The following JADE3 variants were observed in gnomAD, a reference collection of about 807,000 sequenced individuals.
JADE3 encodes the protein jade family PHD finger 3, also known as protein Jade-3.
A neutral mutation model predicts 50.1 loss-of-function variants in JADE3; 2 were observed. That is an observed-to-expected ratio of 0.04 (90% confidence interval 0.02 to 0.13). JADE3 has a LOEUF of 0.13. Among genes scored for constraint, JADE3 ranks in the 10% least tolerant of loss-of-function variants. The probability of loss-of-function intolerance (pLI) is 1.00; values close to 1 mark genes in which losing one functional copy is unlikely to be tolerated. For missense variants in JADE3, 475 were observed against 634.4 expected (o/e 0.75, Z 2.70); for synonymous variants, 218 against 232.9 (o/e 0.94, Z 0.58).
Position 47,056,168 on chromosome X carries a change from A to G in JADE3, c.1530A>G (p.Gln510=), listed in dbSNP as rs1929629333. Residue 510 remains glutamine, a synonymous_variant, in exon 10 of 11, where the codon CAA becomes CAG. Coordinates refer to ENST00000614628, the MANE Select transcript of JADE3 (RefSeq NM_014735.5). ...NKIQEQIFGL[Q]VQLLNQEIDA... is the part of the protein sequence containing the mutation. ...TACAGGAACAGATCTTCGGTTTGCA[A>G]GTCCAGCTTCTTAACCAAGAAATTG... is the stretch of plus-strand genomic sequence containing the variant. 8.4e-7 allele frequency: 1 copy of G among 1,195,453 alleles called. No individual in the cohort carries two copies. Among genetic ancestry groups the G allele is most frequent in the Admixed American group, 2.2e-5 (1 of 45,992 alleles).
intron 1 of JADE3, among the ~76,000 whole-genome samples, chrX:46,951,320 A>C (rs1463687016): frequency 0.065 from 4,916 of 75,654 alleles, 403 homozygotes; most frequent in African/African-American, 0.22. Context: ...GAGCCACCGC[A>C]CCCAGCCTGT....
intron 1 of JADE3, among the ~76,000 whole-genome samples, chrX:46,937,178 C>A (rs1395794192): frequency 4.5e-5 from 5 of 111,790 alleles, no homozygotes; most frequent in East Asian, 2.8e-4. Context: ...TTGAAAGTTT[C>A]TCTTTGATTC....
At chrX:46,938,834 G>T (rs1461420015) in intron 1 of JADE3, among the ~76,000 whole-genome samples, 1 of 112,049 alleles carries the variant, frequency 8.9e-6, no homozygotes, top group African/African-American at 3.2e-5. Flanking sequence ...TGACCTCCAT[G>T]GTTTCTTTTT....
chrX:46,971,509 A>T (rs1421636463), intron 1 of JADE3, among the ~76,000 whole-genome samples: 1 of 109,635 alleles, frequency 9.1e-6, no homozygotes, highest in Non-Finnish European at 1.9e-5. Context: ...AAAAGACATA[A>T]AGCAGGCCGG....
At chrX:46,978,507 A>G (rs1488659087) in intron 1 of JADE3, among the ~76,000 whole-genome samples, 1 of 111,736 alleles carries the variant, frequency 8.9e-6, no homozygotes, top group Non-Finnish European at 1.9e-5. Context: ...AATTGTAGGT[A>G]GAAGGAAGAG....
intron 1 of JADE3, among the ~76,000 whole-genome samples, chrX:46,924,925 C>T (rs1052123950): frequency 9.9e-5 from 11 of 111,626 alleles, no homozygotes; most frequent in Non-Finnish European, 1.9e-4. Context: ...AGGTGCCATT[C>T]GCTTCAGCAG....
chrX:47,021,094 A>G (rs1451387009), intron 4 of JADE3, among the ~76,000 whole-genome samples: 1 of 110,519 alleles, frequency 9.0e-6, no homozygotes, highest in Non-Finnish European at 1.9e-5. Flanking sequence ...CCTAAAAAAA[A>G]AAAAGAAAAT....
intron 4 of JADE3, among the ~76,000 whole-genome samples, chrX:47,021,616 G>T (rs782281324): frequency 9.0e-6 from 1 of 111,474 alleles, no homozygotes; most frequent in East Asian, 2.8e-4. Flanking sequence ...TCAATTTTTG[G>T]ACAGTCTTTT....
At position 47,060,030 on chromosome X, in the gene JADE3, T is replaced by A. The variant is rs1489542644; in HGVS notation, c.*953T>A. The A allele has an allele frequency of 8.9e-6, 1 of 112,446 alleles. No individual in the cohort carries two copies. The highest frequency in any genetic ancestry group is 3.2e-5 in the African/African-American group (1 of 30,924). 9.3% of individuals were successfully genotyped at this position (112,446 alleles called of 1,213,427 possible). ...ACAGAGGTTAAGTATTCTTACCTGC[T>A]TTAATTTTGAAACAGATTTTTATTG... On this transcript the variant is annotated 3_prime_UTR_variant, in exon 11 of 11. Coordinates refer to ENST00000614628, the MANE Select transcript of JADE3 (RefSeq NM_014735.5).
rs1928729571 is a variant in JADE3 at position 47,018,652 on chromosome X, A to G, written c.285-6072A>G. On this transcript the variant is annotated intron_variant, in intron 4 of 10. Transcript: ENST00000614628. ...CCCGGCCCAGAGCACTTTCCTACACATTTATCTTATTTAAAATTTAAAACA... is the reference window on the plus strand; with the variant it reads ...CCCGGCCCAGAGCACTTTCCTACACGTTTATCTTATTTAAAATTTAAAACA... Among the ~76,000 whole-genome samples, 3 of 111,997 alleles carry G rather than the reference A, an allele frequency of 2.7e-5. No homozygotes were observed. In the Admixed American group the frequency reaches 2.8e-4, roughly 11 times the overall value.
At chrX:46,942,973 A>G (rs1926797718) in intron 1 of JADE3, among the ~76,000 whole-genome samples, 1 of 111,675 alleles carries the variant, frequency 9.0e-6, no homozygotes, top group South Asian at 3.7e-4. Context: ...GCTATTGTAA[A>G]TGGGATTGCA....
At position 46,962,576 on chromosome X, in the gene JADE3, G is replaced by GA. The variant is rs199812100; in HGVS notation, c.-11-22299dup. The stretch of plus-strand genomic sequence containing the variant: ...AAGGAAACTAGGTGTTTTGAATTGA[G>GA]AAAAAAAAATGTATTTATAAGCGAG... On this transcript the variant is annotated intron_variant, in intron 1 of 10. Coordinates refer to ENST00000614628, the MANE Select transcript of JADE3 (RefSeq NM_014735.5). Among the ~76,000 whole-genome samples, 217 of 108,492 alleles carry GA rather than the reference G, an allele frequency of 2.0e-3. 1 individual carries two copies. Among genetic ancestry groups the GA allele is most frequent in the Non-Finnish European group, 2.3e-3 (120 of 52,095 alleles). The allele number at this position is 108,492 out of a possible 115,157, so 94.2% of individuals were successfully genotyped here.
chrX:46,935,802 C>A (rs1926603882), intron 1 of JADE3, among the ~76,000 whole-genome samples: 1 of 87,069 alleles, frequency 1.1e-5, no homozygotes, highest in African/African-American at 4.2e-5. Flanking sequence ...GCATCTTTTT[C>A]TTGTTTCAAC....
At chrX:47,000,920 A>G (rs1320189342) in intron 4 of JADE3, among the ~76,000 whole-genome samples, 1 of 111,851 alleles carries the variant, frequency 8.9e-6, no homozygotes, top group Non-Finnish European at 1.9e-5. Flanking sequence ...GTGCGTTCCT[A>G]ATTCATGTGT....
Position 47,059,045 on chromosome X carries a change from C to T in JADE3, c.2440C>T (p.His814Tyr), listed in dbSNP as rs1324989469. The change falls in exon 11 of 11, where the codon CAT (histidine) becomes TAT (tyrosine). Residue 814 changes from histidine (H) to tyrosine (Y), a missense_variant. Physicochemically the swap from His to Tyr is moderately conservative, Grantham distance 83. This residue lies in a region of JADE3 where 243 missense variants were observed against 238.2 expected (regional missense o/e 1.02). Transcript: ENST00000614628. ...GGATTGCCATGGTAAAAGCAAGACA[C>T]ATCCCCTTTCCCACAGTTCAATGCA... Reference protein sequence around the residue: ...RRDCHGKSKTHPLSHSSMQR With the variant: ...RRDCHGKSKTYPLSHSSMQR The T allele has an allele frequency of 1.7e-6, 2 of 1,199,934 alleles. No individual in the cohort carries two copies. The highest frequency in any genetic ancestry group is 3.5e-5 in the African/African-American group (2 of 57,102).
At chrX:46,940,134 G>A (rs1926723344) in intron 1 of JADE3, among the ~76,000 whole-genome samples, 1 of 112,512 alleles carries the variant, frequency 8.9e-6, no homozygotes. Context: ...TTAGGTTAGA[G>A]TGTCAGTAAT....
At chrX:46,986,831 T>TA (rs1927874619) in intron 3 of JADE3, among the ~76,000 whole-genome samples, 1 of 112,447 alleles carries the variant, frequency 8.9e-6, no homozygotes, top group South Asian at 3.7e-4. Context: ...CTGTGATAAT[T>TA]AAATGATAAA....
intron 1 of JADE3, among the ~76,000 whole-genome samples, chrX:46,982,411 C>T (rs1927775243): frequency 9.0e-6 from 1 of 111,136 alleles, no homozygotes; most frequent in African/African-American, 3.3e-5. Flanking sequence ...TTTAGTTCTT[C>T]GAACATATTT....
intron 4 of JADE3, among the ~76,000 whole-genome samples, chrX:47,010,490 A>G (rs1391520447): frequency 8.9e-6 from 1 of 112,310 alleles, no homozygotes; most frequent in Non-Finnish European, 1.9e-5. Context: ...GGCTGGGATT[A>G]CAGGCGTGAG....
Sources: gnomAD v4.1 joint callset for allele counts (sites outside exome capture counted in the v4.1 genomes callset) on GRCh38, gnomAD v4.1.1 for gene constraint, gnomAD v4.1.1 regional missense constraint, MANE v1.5 for transcripts, NCBI Gene and HGNC (gene_info 2026-07-23, HGNC 2026-07-21) for gene names.